The following REC114 variants were observed in gnomAD, a reference collection of about 807,000 sequenced individuals.
REC114 encodes the protein meiotic recombination protein REC114.
A neutral mutation model predicts 31.3 loss-of-function variants in REC114; 27 were observed. That is an observed-to-expected ratio of 0.86 (90% CI 0.64 to 1.19). REC114 has a LOEUF of 1.19. REC114 is among the 50% of genes most tolerant of loss of function. The probability of loss-of-function intolerance (pLI) is 0.00; values close to 1 mark genes in which losing one functional copy is unlikely to be tolerated. For synonymous variants in REC114, 134 were observed against 127.7 expected (o/e 1.05, Z -0.33); for missense variants, 344 against 326.9 (o/e 1.05, Z -0.40).
intron 1 of REC114, among the ~76,000 whole-genome samples, chr15:73,468,365 A>C (rs1893089151): frequency 6.6e-6 from 1 of 152,074 alleles, no homozygotes; most frequent in Non-Finnish European, 1.5e-5. Flanking sequence ...ATGCTTTTAA[A>C]ATTTCAGGTT....
intron 2 of REC114, among the ~76,000 whole-genome samples, chr15:73,488,267 T>A (rs1362273348): frequency 1.3e-5 from 2 of 152,258 alleles, no homozygotes; most frequent in East Asian, 3.8e-4. Flanking sequence ...ATTGTCTTAA[T>A]GAATTGTATC....
At position 73,559,777 on chromosome 15, in the gene REC114, C is replaced by A. The variant is rs199957073; in HGVS notation, c.662C>A (p.Pro221His). Residue 221 changes from proline to histidine, a missense_variant, in exon 6 of 6, where the codon CCC becomes CAC. Physicochemically the swap from Pro to His is moderately conservative, Grantham distance 77. Transcript: ENST00000331090. ...ACTCTTCTGGCATCGGAGGAGCTGCCCCATGTCTATGAACAATCTGCATGG... is the reference window on the plus strand; with the variant it reads ...ACTCTTCTGGCATCGGAGGAGCTGCACCATGTCTATGAACAATCTGCATGG... ...AQTLLASEEL[P>H]HVYEQSAWGA... 8.8e-6 allele frequency: 14 copies of A among 1,588,198 alleles called. No homozygotes were observed. In the East Asian group the frequency reaches 3.0e-4, roughly 34 times the overall value.
rs189347917 is a variant in REC114, at chr15:73,554,962, G to C, written c.547-1340G>C. ...TACAGAGGAGAAAACTGAAGAAACT[G>C]AACAGAGAAATGGGGCTTGTCTAAG... is the stretch of plus-strand genomic sequence containing the variant. On this transcript the variant is annotated intron_variant, in intron 4 of 5. Transcript: ENST00000331090. Among the ~76,000 whole-genome samples the C allele has an allele frequency of 9.4e-4, 143 of 152,346 alleles. 1 individual carries two copies. The highest frequency in any genetic ancestry group is 3.2e-3 in the African/African-American group (133 of 41,580).
intron 3 of REC114, among the ~76,000 whole-genome samples, chr15:73,542,451 C>A (rs968353919): frequency 1.3e-5 from 2 of 152,068 alleles, no homozygotes; most frequent in East Asian, 3.9e-4. Context: ...GCCTCTCCCT[C>A]TTGGGTGCAG....
chr15:73,478,418 A>G (rs1232653742), intron 2 of REC114, among the ~76,000 whole-genome samples: 1 of 151,914 alleles, frequency 6.6e-6, no homozygotes, highest in Non-Finnish European at 1.5e-5. Flanking sequence ...GTGTTAGTCT[A>G]TTTCTGGACT....
At chr15:73,489,260 G>A (rs1422535881) in intron 2 of REC114, among the ~76,000 whole-genome samples, 1 of 145,616 alleles carries the variant, frequency 6.9e-6, no homozygotes, top group Non-Finnish European at 1.5e-5. Flanking sequence ...CTGGAGTACA[G>A]TGGTGTGATC....
At chr15:73,444,570 T>C (rs1014567436) in intron 1 of REC114, among the ~76,000 whole-genome samples, 3 of 152,228 alleles carry the variant, frequency 2.0e-5, no homozygotes. Flanking sequence ...TCTAGTTCTC[T>C]TGCTCTTTCA....
intron 1 of REC114, among the ~76,000 whole-genome samples, chr15:73,469,076 G>A (rs1362372860): frequency 6.6e-6 from 1 of 152,108 alleles, no homozygotes; most frequent in Non-Finnish European, 1.5e-5. Flanking sequence ...AATGTGTTTT[G>A]TGTTGGTGTT....
At chr15:73,510,798 TG>T (rs2141314527) in intron 2 of REC114, among the ~76,000 whole-genome samples, 1 of 149,562 alleles carries the variant, frequency 6.7e-6, no homozygotes. Flanking sequence ...GAAGCCCACT[TG>T]ATCATGGTGG....
At chr15:73,452,216 G>T (rs1892860270) in intron 1 of REC114, among the ~76,000 whole-genome samples, 1 of 152,078 alleles carries the variant, frequency 6.6e-6, no homozygotes, top group South Asian at 2.1e-4. Context: ...AGATGACATG[G>T]TTGTATATTT....
intron 2 of REC114, among the ~76,000 whole-genome samples, chr15:73,526,933 C>G (rs1282322265): frequency 6.6e-6 from 1 of 151,828 alleles, no homozygotes; most frequent in African/African-American, 2.4e-5. Context: ...TAAGGTAGAT[C>G]TAGAGTAGCT....
intron 1 of REC114, among the ~76,000 whole-genome samples, chr15:73,461,321 T>C (rs1892985086): frequency 6.6e-6 from 1 of 152,156 alleles, no homozygotes; most frequent in Non-Finnish European, 1.5e-5. Context: ...GGAAGGCAGT[T>C]GATAGCCTAC....
At chr15:73,552,437 T>C (rs1029391628) in intron 4 of REC114, among the ~76,000 whole-genome samples, 2 of 152,396 alleles carry the variant, frequency 1.3e-5, no homozygotes, top group South Asian at 2.1e-4. Context: ...TTCCATAAAA[T>C]GTTTTCAACA....
At chr15:73,507,008 T>C (rs1334192814) in intron 2 of REC114, among the ~76,000 whole-genome samples, 2 of 152,114 alleles carry the variant, frequency 1.3e-5, no homozygotes, top group Non-Finnish European at 2.9e-5. Flanking sequence ...AAAGAAAAGA[T>C]TGATAAAGCT....
At chr15:73,459,475 AC>A (rs1298913047) in intron 1 of REC114, among the ~76,000 whole-genome samples, 5 of 151,696 alleles carry the variant, frequency 3.3e-5, no homozygotes, top group African/African-American at 1.2e-4. Context: ...CAGATGATCC[AC>A]CCGCCTTAGC....
At chr15:73,479,500 ATATT>A (rs962272365) in intron 2 of REC114, among the ~76,000 whole-genome samples, 2 of 152,076 alleles carry the variant, frequency 1.3e-5, no homozygotes, top group African/African-American at 4.8e-5. Flanking sequence ...GCTATTATCT[ATATT>A]TATGCTGTAC....
At chr15:73,467,406 AATTAT>A (rs1893077391) in intron 1 of REC114, among the ~76,000 whole-genome samples, 1 of 152,118 alleles carries the variant, frequency 6.6e-6, no homozygotes, top group African/African-American at 2.4e-5. Context: ...GTATGTCACT[AATTAT>A]ATTTGTTGTG....
intron 2 of REC114, among the ~76,000 whole-genome samples, chr15:73,477,719 C>G (rs1187647226): frequency 1.3e-5 from 2 of 152,100 alleles, no homozygotes; most frequent in South Asian, 4.1e-4. Flanking sequence ...TGCCTGGCTG[C>G]AAAGATTTTT....
intron 2 of REC114, among the ~76,000 whole-genome samples, chr15:73,525,687 G>A (rs1056559488): frequency 6.6e-6 from 1 of 151,908 alleles, no homozygotes; most frequent in African/African-American, 2.4e-5. Context: ...TGACCAGAAA[G>A]CCTACTCTAT....
Sources: gnomAD v4.1 joint callset for allele counts (sites outside exome capture counted in the v4.1 genomes callset) on GRCh38, gnomAD v4.1.1 for gene constraint, MANE v1.5 for transcripts, NCBI Gene and HGNC (gene_info 2026-07-23, HGNC 2026-07-21) for gene names.